FIP1L1: variants seen among roughly 807,000 people sequenced by gnomAD.
FIP1L1 encodes factor interacting with PAPOLA and CPSF1, also known as pre-mRNA 3'-end-processing factor FIP1.
Under a neutral mutation model 84.6 loss-of-function variants are expected in FIP1L1, and 21 were observed. That is an observed-to-expected ratio of 0.25 (90% CI 0.18 to 0.36). The LOEUF is 0.36. Among genes scored for constraint, FIP1L1 ranks in the 10% least tolerant of loss-of-function variants. FIP1L1 has a pLI of 1.00. For missense variants in FIP1L1, 526 were observed against 751.1 expected (o/e 0.70, Z 3.50); for synonymous variants, 263 against 242.3 (o/e 1.09, Z -0.80).
chr4:53,423,277 T>G (rs773425396), intron 11 of FIP1L1, among the ~76,000 whole-genome samples: 3 of 152,194 alleles, frequency 2.0e-5, no homozygotes, highest in Admixed American at 6.5e-5. Flanking sequence ...GTTTCTTAGC[T>G]TTTTACTAGA....
intron 9 of FIP1L1, among the ~76,000 whole-genome samples, chr4:53,393,012 C>T (rs1454889607): frequency 6.6e-6 from 1 of 152,018 alleles, no homozygotes; most frequent in Non-Finnish European, 1.5e-5. Context: ...AACATTTTTT[C>T]TTTATGTATA....
Position 53,382,356 on chromosome 4 carries a change from C to T in FIP1L1, c.228+21C>T, listed in dbSNP as rs985482111. On this transcript the variant is annotated intron_variant, in intron 4 of 17. Transcript: ENST00000337488. Reference sequence around the variant, plus strand: ...AACCGGTAACATAAGGCTTTGAAATCCAGTTACTGATACAAATCTTTATCA... The same window carrying T: ...AACCGGTAACATAAGGCTTTGAAATTCAGTTACTGATACAAATCTTTATCA... 6 of 1,593,140 alleles carry T rather than the reference C, an allele frequency of 3.8e-6. No individual in the cohort carries two copies. The African/African-American group carries it at 8.1e-5, about 21-fold the overall frequency.
chr4:53,414,867 T>A (rs1758765096), intron 11 of FIP1L1, 145 bp downstream of exon 11: 7 of 530,286 alleles, frequency 1.3e-5, no homozygotes, highest in South Asian at 1.2e-4. Flanking sequence ...GTAGGTTTTT[T>A]AGTTACCTTA....
rs376768490 is a variant in FIP1L1, at chr4:53,386,769, T to C, written c.332+2893T>C. 3.3e-5 allele frequency among the ~76,000 whole-genome samples: 5 copies of C among 152,350 alleles called. No individual in the cohort carries two copies. The East Asian group carries it at 5.8e-4, about 18-fold the overall frequency. ...AAGGAGTTAGGATGCTTTTGCTATG[T>C]CTTTGTAGACCTTGCAAGCTTGTCC... On this transcript the variant is annotated intron_variant, in intron 5 of 17. Coordinates refer to ENST00000337488, the MANE Select transcript of FIP1L1 (RefSeq NM_030917.4).
intron 9 of FIP1L1, among the ~76,000 whole-genome samples, 189 bp from the exon 10 acceptor site, chr4:53,399,541 C>T (rs1477737615): frequency 1.3e-5 from 2 of 151,970 alleles, no homozygotes; most frequent in African/African-American, 4.8e-5. Flanking sequence ...CATTTTGATC[C>T]CATACTCTCT....
At chr4:53,391,233 C>G in intron 8 of FIP1L1, 94 bp downstream of exon 8, 1 of 1,384,358 alleles carries the variant, frequency 7.2e-7, no homozygotes. Context: ...TGGTTAAATG[C>G]TATATGATAG....
chr4:53,451,300 GT>G (rs1163233147), intron 15 of FIP1L1, among the ~76,000 whole-genome samples: 182 of 141,220 alleles, frequency 1.3e-3, no homozygotes, highest in South Asian at 1.8e-3. Flanking sequence ...ATCGGGGGTT[GT>G]TTTTTTTTTT....
intron 10 of FIP1L1, among the ~76,000 whole-genome samples, chr4:53,400,999 G>A (rs1297162879): frequency 1.3e-5 from 2 of 152,130 alleles, no homozygotes; most frequent in Non-Finnish European, 2.9e-5. Context: ...TCAGATTTCT[G>A]GAGTTCAGAT....
intron 13 of FIP1L1, among the ~76,000 whole-genome samples, chr4:53,434,471 A>ATTT (rs35389500): frequency 7.0e-6 from 1 of 142,470 alleles, no homozygotes; most frequent in African/African-American, 2.6e-5. Flanking sequence ...ATCTTAGTAA[A>ATTT]TTTTTTTTTT....
rs746730879 is a variant in FIP1L1, at chr4:53,377,916, C to G, written c.78C>G (p.Leu26=). The part of the protein sequence containing the change: ...GTGGDEEEEW[L]YGGPWDVHVH... ...GAGGGGATGAGGAGGAAGAGTGGCT[C>G]TATGGCGGTACGAAACTTCCTGTCT... The change falls in exon 1 of 18, where the codon CTC becomes CTG. Residue 26 remains leucine, a synonymous_variant. Coordinates refer to ENST00000337488, the MANE Select transcript of FIP1L1 (RefSeq NM_030917.4). The G allele has an allele frequency of 1.9e-6, 3 of 1,594,832 alleles. No individual in the cohort carries two copies. The highest frequency in any genetic ancestry group is 2.6e-6 in the Non-Finnish European group (3 of 1,170,488).
At chr4:53,406,069 G>A (rs1753247501) in intron 10 of FIP1L1, among the ~76,000 whole-genome samples, 3 of 151,560 alleles carry the variant, frequency 2.0e-5, no homozygotes, top group Non-Finnish European at 2.9e-5. Context: ...GTGAGAGAGG[G>A]CATCCCTGTC....
intron 5 of FIP1L1, among the ~76,000 whole-genome samples, chr4:53,385,700 A>G (rs1432243267): frequency 6.6e-6 from 1 of 152,192 alleles, no homozygotes; most frequent in Non-Finnish European, 1.5e-5. Flanking sequence ...AGGAATTGAC[A>G]TGTGAATGCT....
At chr4:53,442,798 A>G (rs576886305) in intron 14 of FIP1L1, 91 bp downstream of exon 14, 3 of 719,832 alleles carry the variant, frequency 4.2e-6, no homozygotes, top group Non-Finnish European at 4.7e-6. Flanking sequence ...ATTTAATTTT[A>G]TAAACACAGC....
chr4:53,419,234 A>G (rs1304352945), intron 11 of FIP1L1, among the ~76,000 whole-genome samples: 2 of 152,118 alleles, frequency 1.3e-5, no homozygotes, highest in Non-Finnish European at 2.9e-5. Flanking sequence ...TTAAACATTC[A>G]AGGTTTTTTT....
At chr4:53,377,980 T>A in intron 1 of FIP1L1, 57 bp downstream of exon 1, 2 of 1,413,330 alleles carry the variant, frequency 1.4e-6, no homozygotes, top group Non-Finnish European at 1.9e-6. Context: ...CTCTTGGCCC[T>A]CAAACGGCCG....
chr4:53,391,149 A>G lies in FIP1L1; in HGVS notation c.636+10A>G. 1 of 1,596,310 alleles carries G rather than the reference A, an allele frequency of 6.3e-7. No homozygotes were observed. The highest frequency in any genetic ancestry group is 8.5e-7 in the Non-Finnish European group (1 of 1,174,990). Reference sequence around the variant, plus strand: ...TACAAATAAAATTACGGTAATTAATAAATACTCCGGAATACCCTTGGCTTG... The same window carrying G: ...TACAAATAAAATTACGGTAATTAATGAATACTCCGGAATACCCTTGGCTTG... On this transcript the variant is annotated intron_variant, in intron 8 of 17. Coordinates refer to ENST00000337488, the MANE Select transcript of FIP1L1 (RefSeq NM_030917.4).
At chr4:53,438,204 A>G (rs1770340238) in intron 13 of FIP1L1, among the ~76,000 whole-genome samples, 1 of 152,142 alleles carries the variant, frequency 6.6e-6, no homozygotes, top group African/African-American at 2.4e-5. Flanking sequence ...AAGAAACAAA[A>G]TACTTTCCTT....
At chr4:53,409,980 A>T (rs1187582356) in intron 10 of FIP1L1, among the ~76,000 whole-genome samples, 1 of 152,212 alleles carries the variant, frequency 6.6e-6, no homozygotes, top group Non-Finnish European at 1.5e-5. Flanking sequence ...TGGCTCGCCC[A>T]TGGTGCGCTG....
intron 4 of FIP1L1, among the ~76,000 whole-genome samples, chr4:53,382,621 C>G (rs1738694248): frequency 6.6e-6 from 1 of 152,178 alleles, no homozygotes; most frequent in African/African-American, 2.4e-5. Flanking sequence ...TATAGTGAGC[C>G]TGGTTTTCAG....
Sources: gnomAD v4.1 joint callset for allele counts (sites outside exome capture counted in the v4.1 genomes callset) on GRCh38, gnomAD v4.1.1 for gene constraint, MANE v1.5 for transcripts, NCBI Gene and HGNC (gene_info 2026-07-23, HGNC 2026-07-21) for gene names.